The following ARMC9 variants were observed in gnomAD, a reference collection of about 807,000 sequenced individuals.
ARMC9 encodes armadillo repeat containing 9.
Under a neutral mutation model 107.0 loss-of-function variants are expected in ARMC9, and 94 were observed. The observed-to-expected ratio is 0.88, with a 90% CI of 0.74 to 1.04. The LOEUF (loss-of-function observed/expected upper bound fraction) is 1.04. ARMC9 is among the 50% of genes least tolerant of loss of function. The pLI is 0.00. For missense variants in ARMC9, 942 were observed against 1,030.1 expected (o/e 0.91, Z 1.17); for synonymous variants, 380 against 396.9 (o/e 0.96, Z 0.51).
chr2:231,240,387 C>CT (rs982250872), intron 9 of ARMC9, among the ~76,000 whole-genome samples: 6 of 152,122 alleles, frequency 3.9e-5, no homozygotes, highest in Admixed American at 3.9e-4. Context: ...AGCAGGGACA[C>CT]TTTTTTTCCC....
intron 19 of ARMC9, among the ~76,000 whole-genome samples, chr2:231,319,310 A>G (rs947304957): frequency 1.3e-5 from 2 of 152,136 alleles, no homozygotes; most frequent in Admixed American, 6.5e-5. Flanking sequence ...GGAAGTGGCC[A>G]TTGGGCTCTG....
chr2:231,375,213 C>T lies in ARMC9; in HGVS notation c.*3678C>T, dbSNP rs1426795624. ...ATGGTCAGAGGGCAGTCAGGGGCTT[C>T]GCTCATGTCTGGTAGTTGGCTGTTG... On this transcript the variant is annotated 3_prime_UTR_variant, in exon 25 of 25. Transcript: ENST00000611582. The surrounding 1 kb of genome is among the most constrained non-coding windows in gnomAD (Gnocchi z 4.3). 6.6e-6 allele frequency among the ~76,000 whole-genome samples: 1 copy of T among 152,202 alleles called. No homozygotes were observed. Among genetic ancestry groups the T allele is most frequent in the Non-Finnish European group, 1.5e-5 (1 of 68,050 alleles).
intron 9 of ARMC9, among the ~76,000 whole-genome samples, chr2:231,247,954 A>C (rs1296881326): frequency 6.6e-6 from 1 of 152,204 alleles, no homozygotes; most frequent in Non-Finnish European, 1.5e-5. Flanking sequence ...CCTTTGTATT[A>C]ATATCTCAAC....
intron 19 of ARMC9, among the ~76,000 whole-genome samples, chr2:231,316,160 A>ATGTGTGTGTG (rs141395956): frequency 2.7e-5 from 4 of 147,630 alleles, no homozygotes; most frequent in African/African-American, 9.9e-5. Context: ...GTGTGTATGT[A>ATGTGTGTGTG]TGTGTGTGTG....
At chr2:231,312,226 G>A (rs1481554021) in intron 19 of ARMC9, among the ~76,000 whole-genome samples, 1 of 152,238 alleles carries the variant, frequency 6.6e-6, no homozygotes, top group Non-Finnish European at 1.5e-5. Context: ...CAGGCTGCCA[G>A]TGCAGTGTGC....
intron 19 of ARMC9, among the ~76,000 whole-genome samples, chr2:231,310,656 G>C (rs368085037): frequency 6.7e-6 from 1 of 149,456 alleles, no homozygotes; most frequent in Non-Finnish European, 1.5e-5. Context: ...GCTTGAACCC[G>C]GGGTAGGGGG....
intron 19 of ARMC9, among the ~76,000 whole-genome samples, chr2:231,328,410 G>T (rs2043477748): frequency 6.6e-6 from 1 of 152,060 alleles, no homozygotes; most frequent in East Asian, 1.9e-4. Context: ...GTTTTTTGAT[G>T]AAATTCATTT....
Position 231,230,010 on chromosome 2 carries a change from A to G in ARMC9, c.622+3212A>G, listed in dbSNP as rs566425205. Among the ~76,000 whole-genome samples, 9 of 152,318 alleles carry G rather than the reference A, an allele frequency of 5.9e-5. No individual in the cohort carries two copies. In the South Asian group the frequency reaches 1.9e-3, roughly 32 times the overall value. On this transcript the variant is annotated intron_variant, in intron 7 of 24. Transcript: ENST00000611582. ...AGTCTCAATAAATTTCACTGGCATG[A>G]CTAAGATGGTTTTATTAAAATAACA...
intron 21 of ARMC9, among the ~76,000 whole-genome samples, chr2:231,349,657 C>G (rs115729106): frequency 7.9e-5 from 12 of 152,032 alleles, no homozygotes; most frequent in Admixed American, 6.5e-4. Flanking sequence ...TAGCGAGTGC[C>G]TGTAATCCAG....
chr2:231,323,962 C>A (rs1428382587), intron 19 of ARMC9, among the ~76,000 whole-genome samples: 4 of 152,132 alleles, frequency 2.6e-5, no homozygotes, highest in African/African-American at 9.7e-5. Context: ...AGCTGCGGGG[C>A]CCTGGTTCTG....
chr2:231,317,330 C>G (rs2042755376), intron 19 of ARMC9, among the ~76,000 whole-genome samples: 1 of 152,108 alleles, frequency 6.6e-6, no homozygotes, highest in Non-Finnish European at 1.5e-5. Flanking sequence ...GCCACCATGC[C>G]TGGCTGATTT....
At chr2:231,280,359 G>A (rs1399628702) in intron 16 of ARMC9, among the ~76,000 whole-genome samples, 5 of 152,188 alleles carry the variant, frequency 3.3e-5, no homozygotes, top group Admixed American at 2.6e-4. Flanking sequence ...TCAGGAGGCT[G>A]AGGCATGAGA....
At chr2:231,243,172 G>C (rs180689774) in intron 9 of ARMC9, among the ~76,000 whole-genome samples, 3 of 151,984 alleles carry the variant, frequency 2.0e-5, no homozygotes, top group African/African-American at 7.3e-5. Flanking sequence ...GCATGAACCC[G>C]GGAGGCGGAG....
At chr2:231,259,666 A>G (rs1031745121) in intron 11 of ARMC9, among the ~76,000 whole-genome samples, 3 of 152,036 alleles carry the variant, frequency 2.0e-5, no homozygotes, top group Non-Finnish European at 4.4e-5. Flanking sequence ...CGTGAATTCT[A>G]CCTGCCAATA....
chr2:231,338,805 G>T (rs1363348805), intron 20 of ARMC9, among the ~76,000 whole-genome samples: 4 of 151,674 alleles, frequency 2.6e-5, no homozygotes, highest in Non-Finnish European at 5.9e-5. Context: ...CCCTTTGATT[G>T]CTTCTGTATA....
chr2:231,223,426 G>A (rs1265479416), intron 6 of ARMC9, among the ~76,000 whole-genome samples: 2 of 152,232 alleles, frequency 1.3e-5, no homozygotes, highest in East Asian at 3.9e-4. Context: ...TTCAGAAAGA[G>A]CAGAACGTTA....
intron 7 of ARMC9, among the ~76,000 whole-genome samples, chr2:231,233,081 T>C (rs1407498894): frequency 2.0e-5 from 3 of 151,008 alleles, no homozygotes; most frequent in Non-Finnish European, 3.0e-5. Context: ...GAACTCCTGG[T>C]CTCAGGTGAT....
At chr2:231,211,600 T>G (rs998493353) in intron 3 of ARMC9, among the ~76,000 whole-genome samples, 4 of 152,130 alleles carry the variant, frequency 2.6e-5, no homozygotes, top group Non-Finnish European at 5.9e-5. Context: ...TTGCTTTCTG[T>G]TCTTTTGGAT....
chr2:231,324,059 CTG>C (rs1185148310), intron 19 of ARMC9, among the ~76,000 whole-genome samples: 2 of 150,722 alleles, frequency 1.3e-5, no homozygotes, highest in Admixed American at 1.3e-4. Flanking sequence ...AATGCAGAAA[CTG>C]TCCTGTGTTT....
Sources: allele counts gnomAD v4.1 joint callset (sites outside exome capture counted in the v4.1 genomes callset), GRCh38; gene constraint gnomAD v4.1.1; non-coding constraint Gnocchi (gnomAD v3.1); transcripts MANE v1.5; gene names NCBI Gene and HGNC (gene_info 2026-07-23, HGNC 2026-07-21).